LRMDA: variants seen among roughly 807,000 people sequenced by gnomAD.
LRMDA encodes leucine rich melanocyte differentiation associated.
LRMDA carries 18 observed loss-of-function variants against 29.8 expected under a neutral mutation model. That is an observed-to-expected ratio of 0.60 (90% CI 0.42 to 0.90). The LOEUF is 0.90. Ranked by LOEUF, LRMDA falls within the 40% of genes least tolerant of loss-of-function variation. LRMDA has a pLI of 0.00. For synonymous variants in LRMDA, 125 were observed against 109.4 expected, an observed-to-expected ratio of 1.14 and a Z score of -0.89; for missense variants, 273 against 273.9, an observed-to-expected ratio of 1.00 and a Z score of 0.02.
At chr10:76,110,615 C>A (rs1197513430) in intron 5 of LRMDA, among the ~76,000 whole-genome samples, 1 of 152,156 alleles carries the variant, frequency 6.6e-6, no homozygotes, top group African/African-American at 2.4e-5. Context: ...GGGGCCCCGT[C>A]TTTCCCATGC....
intron 2 of LRMDA, among the ~76,000 whole-genome samples, chr10:75,973,740 A>G (rs2132441656): frequency 6.6e-6 from 1 of 152,228 alleles, no homozygotes; most frequent in South Asian, 2.1e-4. Context: ...TTTATGCAGT[A>G]TTATGGCAGC....
intron 2 of LRMDA, among the ~76,000 whole-genome samples, chr10:75,737,796 C>T (rs1383588626): frequency 6.6e-6 from 1 of 152,116 alleles, no homozygotes; most frequent in Admixed American, 6.5e-5. Flanking sequence ...ATCCTGAAGC[C>T]CTGTTCTGGA....
chr10:75,909,400 T>C (rs1845809193), intron 2 of LRMDA, among the ~76,000 whole-genome samples: 1 of 152,224 alleles, frequency 6.6e-6, no homozygotes, highest in African/African-American at 2.4e-5. Context: ...AACCTCTCTC[T>C]GCATCCTCTT....
chr10:76,436,095 C>T (rs1382249321), intron 6 of LRMDA, among the ~76,000 whole-genome samples: 4 of 152,080 alleles, frequency 2.6e-5, no homozygotes, highest in Admixed American at 6.5e-5. Context: ...TGAGAGGAGC[C>T]AGAGGTGGGT....
At chr10:75,884,287 G>GTT (rs1405593930) in intron 2 of LRMDA, among the ~76,000 whole-genome samples, 2 of 150,792 alleles carry the variant, frequency 1.3e-5, no homozygotes, top group Admixed American at 1.3e-4. Flanking sequence ...GTGTGTGTGT[G>GTT]TGTGTAGGGG....
intron 2 of LRMDA, among the ~76,000 whole-genome samples, chr10:75,976,149 C>T (rs1416139118): frequency 2.0e-5 from 3 of 152,246 alleles, no homozygotes; most frequent in African/African-American, 7.2e-5. Context: ...TGGTCTGGTC[C>T]TATCAACGTC....
intron 2 of LRMDA, among the ~76,000 whole-genome samples, chr10:75,607,359 A>G (rs1389543141): frequency 6.6e-6 from 1 of 152,240 alleles, no homozygotes; most frequent in Non-Finnish European, 1.5e-5. Flanking sequence ...AAATTGACCT[A>G]CATGATATTT....
chr10:75,665,075 G>T (rs1841805114), intron 2 of LRMDA, among the ~76,000 whole-genome samples: 2 of 152,190 alleles, frequency 1.3e-5, no homozygotes, highest in Non-Finnish European at 2.9e-5. Context: ...ATTTATTAAA[G>T]AAGCCTCCAT....
intron 5 of LRMDA, among the ~76,000 whole-genome samples, chr10:76,139,098 C>T (rs1322416875): frequency 6.6e-6 from 1 of 152,104 alleles, no homozygotes; most frequent in East Asian, 1.9e-4. Flanking sequence ...AGCTCTGTGC[C>T]TTCCTTCCTG....
chr10:75,705,704 A>G (rs1842357684), intron 2 of LRMDA, among the ~76,000 whole-genome samples: 1 of 152,182 alleles, frequency 6.6e-6, no homozygotes, highest in African/African-American at 2.4e-5. Context: ...GGAGTGCAGG[A>G]GAGCAACATT....
At chr10:76,047,747 C>T (rs982898738) in intron 4 of LRMDA, among the ~76,000 whole-genome samples, 1 of 152,212 alleles carries the variant, frequency 6.6e-6, no homozygotes, top group Non-Finnish European at 1.5e-5. Context: ...TAAGATCTTT[C>T]TGTGGTCTGT....
At chr10:75,754,287 A>G (rs1843001266) in intron 2 of LRMDA, among the ~76,000 whole-genome samples, 1 of 152,160 alleles carries the variant, frequency 6.6e-6, no homozygotes, top group South Asian at 2.1e-4. Flanking sequence ...TGCTTCTGTT[A>G]TGGGAATTGA....
At chr10:75,432,822 A>G (rs1238209148) in intron 1 of LRMDA, among the ~76,000 whole-genome samples, 6 of 152,150 alleles carry the variant, frequency 3.9e-5, no homozygotes, top group African/African-American at 1.4e-4. Context: ...CTTTTTTTCC[A>G]GAGTCCTGTC....
chr10:76,181,838 G>T (rs1851055819), intron 5 of LRMDA, among the ~76,000 whole-genome samples: 1 of 152,216 alleles, frequency 6.6e-6, no homozygotes, highest in Non-Finnish European at 1.5e-5. Flanking sequence ...GGTGCTTGTT[G>T]TCTAGAAATT....
intron 6 of LRMDA, among the ~76,000 whole-genome samples, chr10:76,377,039 C>CCA (rs915250690): frequency 1.3e-5 from 2 of 151,774 alleles, no homozygotes; most frequent in Non-Finnish European, 2.9e-5. Flanking sequence ...GTGCCTGCCA[C>CCA]CACACCTGGC....
intron 2 of LRMDA, among the ~76,000 whole-genome samples, chr10:75,658,965 C>A (rs1350412295): frequency 6.6e-6 from 1 of 152,156 alleles, no homozygotes; most frequent in African/African-American, 2.4e-5. Flanking sequence ...GGAGCCCAAT[C>A]ATTTGGGCTC....
In LRMDA at chr10:76,081,936, C is replaced by T. The variant is rs562623985; in HGVS notation, c.516+23153C>T. ...TCACATTTAATAGACAATATCTCTT[C>T]TTAGTTTCAGATTTCGGTGCCATAG... On this transcript the variant is annotated intron_variant, in intron 5 of 6. Transcript: ENST00000611255. Among the ~76,000 whole-genome samples the T allele has an allele frequency of 2.0e-5, 3 of 152,300 alleles. No individual in the cohort carries two copies. The South Asian group carries it at 6.2e-4, about 32-fold the overall frequency.
At chr10:76,252,702 C>T (rs1852507130) in intron 5 of LRMDA, among the ~76,000 whole-genome samples, 1 of 152,190 alleles carries the variant, frequency 6.6e-6, no homozygotes, top group Admixed American at 6.5e-5. Flanking sequence ...CTGTCTTAAA[C>T]TCATGGTTTG....
intron 4 of LRMDA, among the ~76,000 whole-genome samples, chr10:76,054,877 A>G (rs146439487): frequency 2.8e-4 from 43 of 151,672 alleles, no homozygotes; most frequent in Admixed American, 1.2e-3. Context: ...CAGCCTGGCC[A>G]ACATGGTGAA....
Sources: gnomAD v4.1 joint callset for allele counts (sites outside exome capture counted in the v4.1 genomes callset) on GRCh38, gnomAD v4.1.1 for gene constraint, MANE v1.5 for transcripts, NCBI Gene and HGNC (gene_info 2026-07-23, HGNC 2026-07-21) for gene names.